Variants in ADGRL2 observed in about 807,000 individuals in gnomAD.
ADGRL2 encodes the protein calcium-independent alpha-latrotoxin receptor 2.
In ADGRL2, 44 loss-of-function variants were observed where a neutral mutation model predicts 157.4. That is an observed-to-expected ratio of 0.28 (90% CI 0.22 to 0.36). The LOEUF (loss-of-function observed/expected upper bound fraction) is 0.36. ADGRL2 is among the 10% of genes least tolerant of loss of function. ADGRL2 has a pLI of 1.00. For synonymous variants in ADGRL2, 585 were observed against 624.7 expected, an observed-to-expected ratio of 0.94 and a Z score of 0.95; for missense variants, 1,510 against 1,768.9, an observed-to-expected ratio of 0.85 and a Z score of 2.63.
At chr1:81,578,996 TCATTC>T (rs2080852965) in intron 2 of ADGRL2, among the ~76,000 whole-genome samples, 1 of 152,132 alleles carries the variant, frequency 6.6e-6, no homozygotes, top group African/African-American at 2.4e-5. Flanking sequence ...CCCCAAACAC[TCATTC>T]CCTGCTCAGA....
At chr1:81,860,088 A>G (rs2093342648) in intron 2 of ADGRL2, among the ~76,000 whole-genome samples, 1 of 151,944 alleles carries the variant, frequency 6.6e-6, no homozygotes, top group South Asian at 2.1e-4. Flanking sequence ...GCTGGGCGTA[A>G]TGGCAGGTGC....
At chr1:81,965,404 A>T (rs1047385597) in intron 11 of ADGRL2, among the ~76,000 whole-genome samples, 1 of 152,226 alleles carries the variant, frequency 6.6e-6, no homozygotes, top group South Asian at 2.1e-4. Flanking sequence ...GCCCAATTTG[A>T]ATATGTAAAG....
intron 3 of ADGRL2, among the ~76,000 whole-genome samples, chr1:81,691,378 C>T (rs1208924532): frequency 6.6e-6 from 1 of 151,378 alleles, no homozygotes; most frequent in Non-Finnish European, 1.5e-5. Flanking sequence ...TTAACCAAAA[C>T]CTCTGTAAGT....
chr1:81,534,138 T>G (rs530666125), intron 2 of ADGRL2, among the ~76,000 whole-genome samples: 1 of 152,220 alleles, frequency 6.6e-6, no homozygotes, highest in Non-Finnish European at 1.5e-5. Context: ...TATTTTATTT[T>G]ATTTCATTTT....
At chr1:81,783,164 C>T (rs2086887535) in intron 2 of ADGRL2, among the ~76,000 whole-genome samples, 1 of 152,230 alleles carries the variant, frequency 6.6e-6, no homozygotes, top group East Asian at 1.9e-4. Flanking sequence ...GGCTCTGTCG[C>T]CCAGGCTGGA....
At chr1:81,716,047 G>GAA (rs528314002) in intron 1 of ADGRL2, among the ~76,000 whole-genome samples, 35 of 152,266 alleles carry the variant, frequency 2.3e-4, no homozygotes, top group African/African-American at 8.2e-4. Flanking sequence ...GCAGAGAGAA[G>GAA]AAAGACTCAA....
At chr1:81,936,698 TAC>T in intron 3 of ADGRL2, 28 bp from the exon 4 acceptor site, 1 of 1,174,324 alleles carries the variant, frequency 8.5e-7, no homozygotes, top group Non-Finnish European at 1.3e-6. Context: ...TAAATTATGT[TAC>T]ACAAGTTTGA....
rs146274489 is a variant in ADGRL2, at chr1:81,349,517, T to G, written c.-302+43008T>G. 8.9e-4 allele frequency among the ~76,000 whole-genome samples: 136 copies of G among 152,118 alleles called. 1 individual carries two copies. Among genetic ancestry groups the G allele is most frequent in the African/African-American group, 3.1e-3 (127 of 41,486 alleles). ...CAGGAATGTGGGATGGTATTGGTGC[T>G]CTGAATTTAGAACTCTTTAAAGAAG... On this transcript the variant is annotated intron_variant, in intron 1 of 24. Transcript: ENST00000370721.
intron 3 of ADGRL2, among the ~76,000 whole-genome samples, chr1:81,635,369 G>C (rs748678743): frequency 6.6e-6 from 1 of 152,262 alleles, no homozygotes; most frequent in Middle Eastern, 3.4e-3. Flanking sequence ...GCTTTTGCAG[G>C]TGCTCTGCCT....
intron 6 of ADGRL2, among the ~76,000 whole-genome samples, chr1:81,949,240 T>C (rs1286424268): frequency 6.6e-6 from 1 of 152,212 alleles, no homozygotes; most frequent in Non-Finnish European, 1.5e-5. Context: ...TTTTAAGTGG[T>C]AGTATTAAAT....
At chr1:81,749,044 A>G (rs923718136) in intron 1 of ADGRL2, among the ~76,000 whole-genome samples, 6 of 152,178 alleles carry the variant, frequency 3.9e-5, no homozygotes, top group Admixed American at 3.9e-4. Context: ...AATATTTTTT[A>G]AAATAAAAAT....
At chr1:81,570,844 A>C (rs1334718515) in intron 2 of ADGRL2, among the ~76,000 whole-genome samples, 1 of 152,144 alleles carries the variant, frequency 6.6e-6, no homozygotes, top group Non-Finnish European at 1.5e-5. Context: ...AGTACAGATT[A>C]CCACTGTGTA....
chr1:81,422,443 C>T (rs1006206287), intron 1 of ADGRL2, among the ~76,000 whole-genome samples: 1 of 152,192 alleles, frequency 6.6e-6, no homozygotes, highest in African/African-American at 2.4e-5. Context: ...CGGGGTTTCA[C>T]CATGTTGGGC....
At chr1:81,869,716 T>A (rs897901095) in intron 2 of ADGRL2, among the ~76,000 whole-genome samples, 5 of 149,206 alleles carry the variant, frequency 3.4e-5, no homozygotes, top group Admixed American at 1.3e-4. Context: ...AAAAAAAAAA[T>A]ATAATTTGTG....
upstream of ADGRL2, among the ~76,000 whole-genome samples, chr1:81,699,463 C>T (rs1301961409): frequency 2.6e-5 from 4 of 152,106 alleles, no homozygotes; most frequent in African/African-American, 4.8e-5. Flanking sequence ...GGGCCCAGTG[C>T]GTGGGTAAAT....
chr1:81,333,220 T>C (rs1661389326), intron 1 of ADGRL2, among the ~76,000 whole-genome samples: 1 of 152,106 alleles, frequency 6.6e-6, no homozygotes, highest in Admixed American at 6.6e-5. Context: ...CTGGACTTTT[T>C]ATTGCCGACC....
At chr1:81,979,791 G>A in intron 17 of ADGRL2, 78 bp from the exon 18 acceptor site, 2 of 810,122 alleles carry the variant, frequency 2.5e-6, no homozygotes, top group Admixed American at 2.0e-5. Context: ...ATATAAACAT[G>A]GATCGATACA....
intron 2 of ADGRL2, among the ~76,000 whole-genome samples, chr1:81,464,814 A>G (rs767624742): frequency 6.6e-6 from 1 of 152,082 alleles, no homozygotes; most frequent in Non-Finnish European, 1.5e-5. Flanking sequence ...GCATATAATT[A>G]CTGCCTAGTA....
intron 1 of ADGRL2, among the ~76,000 whole-genome samples, chr1:81,424,338 G>A (rs1378654189): frequency 2.0e-5 from 3 of 152,182 alleles, no homozygotes; most frequent in East Asian, 1.9e-4. Context: ...TTCCATGTTC[G>A]TCTGTAAAAC....
Sources: allele counts gnomAD v4.1 joint callset (sites outside exome capture counted in the v4.1 genomes callset), GRCh38; gene constraint gnomAD v4.1.1; transcripts MANE v1.5; gene names NCBI Gene and HGNC (gene_info 2026-07-23, HGNC 2026-07-21).